SYAP1: variants seen among roughly 807,000 people sequenced by gnomAD.
SYAP1 encodes synapse associated protein 1.
SYAP1 carries 3 observed loss-of-function variants against 29.6 expected under a neutral mutation model. That is an observed-to-expected ratio of 0.10 (90% CI 0.05 to 0.26). The LOEUF (loss-of-function observed/expected upper bound fraction) is 0.26, where lower values mean the gene tolerates loss of function less well. Ranked by LOEUF, SYAP1 falls within the 10% of genes least tolerant of loss-of-function variation. SYAP1 has a pLI of 1.00. For synonymous variants in SYAP1, 102 were observed against 102.7 expected (o/e 0.99, Z 0.04); for missense variants, 217 against 264.1 (o/e 0.82, Z 1.24).
At chrX:16,737,222 T>A (rs1448523860) in intron 3 of SYAP1, among the ~76,000 whole-genome samples, 1 of 110,854 alleles carries the variant, frequency 9.0e-6, no homozygotes. Context: ...TACAAAAAAA[T>A]AAAAAGAAAT....
At chrX:16,745,191 T>C (rs888156658) in intron 5 of SYAP1, among the ~76,000 whole-genome samples, 2 of 112,152 alleles carry the variant, frequency 1.8e-5, no homozygotes, top group Non-Finnish European at 3.8e-5. Context: ...CTCCTCGGCC[T>C]CCTGCCTGGC....
intron 1 of SYAP1, among the ~76,000 whole-genome samples, chrX:16,724,240 G>A (rs1926032559): frequency 8.9e-6 from 1 of 112,150 alleles, no homozygotes; most frequent in Non-Finnish European, 1.9e-5. Flanking sequence ...GCAAGGAGTT[G>A]TGACAACACG....
At chrX:16,733,825 C>T (rs1157971405) in intron 1 of SYAP1, among the ~76,000 whole-genome samples, 2 of 110,202 alleles carry the variant, frequency 1.8e-5, no homozygotes, top group African/African-American at 6.6e-5. Flanking sequence ...GCCACCATGC[C>T]CAGCTAAGTT....
At chrX:16,756,148 T>A (rs1343063311) in intron 6 of SYAP1, among the ~76,000 whole-genome samples, 1 of 112,053 alleles carries the variant, frequency 8.9e-6, no homozygotes, top group Admixed American at 9.5e-5. Flanking sequence ...AATGGATTTA[T>A]GACAGTATTC....
chrX:16,756,648 A>G lies in SYAP1; in HGVS notation c.725-15A>G, dbSNP rs1339459436. On this transcript the variant is annotated splice_polypyrimidine_tract_variant and intron_variant, in intron 6 of 8. Transcript: ENST00000380155. ...GAACCAAGCAATTATTGTCTCTCTT[A>G]TTCTCACTTCTTAGAGGCAGTACGG... 2 of 1,202,695 alleles carry G rather than the reference A, an allele frequency of 1.7e-6. No individual in the cohort carries two copies. The highest frequency in any genetic ancestry group is 2.3e-6 in the Non-Finnish European group (2 of 888,589).
chrX:16,752,162 A>G (rs1926748968), intron 5 of SYAP1, among the ~76,000 whole-genome samples: 1 of 106,919 alleles, frequency 9.4e-6, no homozygotes, highest in Non-Finnish European at 1.9e-5. Flanking sequence ...TATTTTTTGC[A>G]GAGATGCGAT....
chrX:16,737,214 C>CA lies in SYAP1; in HGVS notation c.361+989dup, dbSNP rs36064152. On this transcript the variant is annotated intron_variant, in intron 3 of 8. Transcript: ENST00000380155. Reference sequence around the variant, plus strand: ...GCAACATAGTGAGACCCTATCTCTACAAAAAAATAAAAAGAAATTAGCCAG... The same window carrying CA: ...GCAACATAGTGAGACCCTATCTCTACAAAAAAAATAAAAAGAAATTAGCCAG... 1.4e-4 allele frequency among the ~76,000 whole-genome samples: 16 copies of CA among 111,143 alleles called. No homozygotes were observed. The South Asian group carries it at 5.3e-3, about 37-fold the overall frequency.
chrX:16,735,667 C>T (rs186034104), intron 2 of SYAP1, among the ~76,000 whole-genome samples: 1 of 111,962 alleles, frequency 8.9e-6, no homozygotes, highest in Non-Finnish European at 1.9e-5. Context: ...TTCTGTCACC[C>T]AGGCTGGAGT....
At chrX:16,743,203 C>G (rs904782828) in intron 4 of SYAP1, among the ~76,000 whole-genome samples, 1 of 108,873 alleles carries the variant, frequency 9.2e-6, no homozygotes, top group African/African-American at 3.3e-5. Flanking sequence ...TAGCACACAC[C>G]TGTAATCCCA....
chrX:16,730,457 G>C (rs778046576), intron 1 of SYAP1, among the ~76,000 whole-genome samples: 25 of 112,565 alleles, frequency 2.2e-4, no homozygotes, highest in Non-Finnish European at 4.1e-4. Flanking sequence ...GAAAACCTTG[G>C]TAAGTTTGGG....
At position 16,743,737 on chromosome X, in the gene SYAP1, G is replaced by A. The variant is rs1024966528; in HGVS notation, c.472G>A (p.Val158Met). The A allele has an allele frequency of 6.6e-6, 8 of 1,208,379 alleles. No homozygotes were observed. Among genetic ancestry groups the A allele is most frequent in the South Asian group, 1.8e-5 (1 of 56,769 alleles). The change falls in exon 5 of 9, where the codon GTG (valine) becomes ATG (methionine). Residue 158 changes from valine (V) to methionine (M), a missense_variant. Coordinates refer to ENST00000380155, the MANE Select transcript of SYAP1 (RefSeq NM_032796.4). ...TTTCCTTCGTGACCCTCCGGCTGGC[G>A]TGCAATTTAATTTCGACTTTGATCA... ...RNFLRDPPAG[V>M]QFNFDFDQMY...
In SYAP1 at chrX:16,755,761, T is replaced by G. The variant is rs73450393; in HGVS notation, c.724+668T>G. 2.2e-3 allele frequency among the ~76,000 whole-genome samples: 245 copies of G among 112,174 alleles called. 3 individuals carry two copies. The highest frequency in any genetic ancestry group is 7.5e-3 in the African/African-American group (232 of 30,925). ...GAATGTGTTTTATAATAAGGGCAGC[T>G]GTTTGAAATCTGTAATAATTAAAAT... On this transcript the variant is annotated intron_variant, in intron 6 of 8. Coordinates refer to ENST00000380155, the MANE Select transcript of SYAP1 (RefSeq NM_032796.4).
chrX:16,754,270 A>T (rs1248655149), intron 5 of SYAP1, among the ~76,000 whole-genome samples: 1 of 111,572 alleles, frequency 9.0e-6, no homozygotes, highest in African/African-American at 3.3e-5. Context: ...TCCCAGGTTG[A>T]TTATGCTAGT....
intron 1 of SYAP1, 53 bp from the exon 2 acceptor site, chrX:16,735,174 T>C (rs1015926040): frequency 4.4e-5 from 38 of 865,307 alleles, no homozygotes; most frequent in Non-Finnish European, 5.9e-5. Context: ...TAAGATCTCT[T>C]TAAGGGAAAA....
intron 5 of SYAP1, among the ~76,000 whole-genome samples, chrX:16,751,121 G>A (rs760157181): frequency 5.6e-4 from 61 of 109,473 alleles, no homozygotes; most frequent in Non-Finnish European, 9.9e-4. Context: ...CTTTCTTCTC[G>A]TTTTCCCCCC....
chrX:16,723,065 C>T (rs1926000929), intron 1 of SYAP1, among the ~76,000 whole-genome samples: 1 of 112,196 alleles, frequency 8.9e-6, no homozygotes, highest in East Asian at 2.8e-4. Flanking sequence ...TATTCCATGC[C>T]TAGGAATGGG....
chrX:16,751,743 A>G (rs1455312176), intron 5 of SYAP1, among the ~76,000 whole-genome samples: 3 of 103,266 alleles, frequency 2.9e-5, no homozygotes, highest in Non-Finnish European at 5.9e-5. Context: ...CAATGGTACA[A>G]TCTTGGCTCA....
chrX:16,735,049 A>G (rs753378015), intron 1 of SYAP1, among the ~76,000 whole-genome samples, 178 bp from the exon 2 acceptor site: 1 of 106,918 alleles, frequency 9.4e-6, no homozygotes, highest in South Asian at 4.4e-4. Context: ...TGAAAGGCCC[A>G]GTATGATTGG....
intron 5 of SYAP1, among the ~76,000 whole-genome samples, chrX:16,754,214 T>A (rs1195337771): frequency 8.9e-6 from 1 of 111,932 alleles, no homozygotes. Flanking sequence ...TTAATCCTCT[T>A]GAGAAACAGC....
Sources: gnomAD v4.1 joint callset for allele counts (sites outside exome capture counted in the v4.1 genomes callset) on GRCh38, gnomAD v4.1.1 for gene constraint, MANE v1.5 for transcripts, NCBI Gene and HGNC (gene_info 2026-07-23, HGNC 2026-07-21) for gene names.